CIMIP7: variants seen among roughly 807,000 people sequenced by gnomAD.
CIMIP7 encodes ciliary microtubule inner protein 7, also known as uncharacterized protein C3orf84.
At chr3:49,178,113 T>G in the CIMIP7 span, 1 of 1,451,410 alleles carries the variant, frequency 6.9e-7, no homozygotes, top group Non-Finnish European at 9.2e-7. Flanking sequence ...CTTGGGCCCC[T>G]CCTAACCCCA....
At chr3:49,178,581 C>G in the CIMIP7 span, 1 of 1,547,484 alleles carries the variant, frequency 6.5e-7, no homozygotes. Flanking sequence ...GAAAATGATG[C>G]TTATTTACCC....
the CIMIP7 span, among the ~76,000 whole-genome samples, chr3:49,179,957 G>A: frequency 3.3e-5 from 5 of 151,950 alleles, no homozygotes; most frequent in Non-Finnish European, 7.3e-5. Context: ...GGCCAACATA[G>A]TGAAACCCCG....
the CIMIP7 span, among the ~76,000 whole-genome samples, chr3:49,182,084 C>T: frequency 2.6e-5 from 4 of 152,172 alleles, no homozygotes; most frequent in East Asian, 3.9e-4. Flanking sequence ...AGTGAAGCTG[C>T]AGACCTTCGT....
At chr3:49,189,978 C>T in the CIMIP7 span, 7 of 1,419,406 alleles carry the variant, frequency 4.9e-6, no homozygotes, top group East Asian at 1.4e-4. Flanking sequence ...CTGGGAGAGG[C>T]AAGAACTGGT....
At chr3:49,190,892 C>G in the CIMIP7 span, among the ~76,000 whole-genome samples, 2 of 152,078 alleles carry the variant, frequency 1.3e-5, no homozygotes, top group African/African-American at 2.4e-5. Context: ...TGGTCTCGAA[C>G]TCCTGACCTC....
chr3:49,189,838 G>C, the CIMIP7 span: 2 of 740,586 alleles, frequency 2.7e-6, no homozygotes, highest in Admixed American at 1.7e-5. Context: ...ATATGGTTCA[G>C]TTTGGCACTC....
the CIMIP7 span, among the ~76,000 whole-genome samples, chr3:49,182,891 C>CG: frequency 5.9e-5 from 9 of 152,054 alleles, no homozygotes; most frequent in Admixed American, 3.9e-4. Flanking sequence ...CTGCCCGGGG[C>CG]GGGGGGGCCA....
the CIMIP7 span, among the ~76,000 whole-genome samples, chr3:49,190,652 T>C: frequency 1.4e-5 from 2 of 147,240 alleles, no homozygotes; most frequent in South Asian, 4.3e-4. Flanking sequence ...CCCACTATCA[T>C]GCCAGGCTGA....
At chr3:49,178,615 A>G in the CIMIP7 span, 1 of 1,324,844 alleles carries the variant, frequency 7.5e-7, no homozygotes, top group South Asian at 1.2e-5. Flanking sequence ...TCACTGCCTC[A>G]GGGTCCTTAA....
the CIMIP7 span, chr3:49,190,047 G>A: frequency 6.2e-7 from 1 of 1,613,742 alleles, no homozygotes; most frequent in Non-Finnish European, 8.5e-7. Context: ...CAGGAACACT[G>A]CTGGAGGCTG....
At chr3:49,180,275 T>C in the CIMIP7 span, among the ~76,000 whole-genome samples, 58 of 152,058 alleles carry the variant, frequency 3.8e-4, 2 homozygotes, top group East Asian at 0.011. Flanking sequence ...AAAAAATTAA[T>C]GAACAGGGAC....
the CIMIP7 span, among the ~76,000 whole-genome samples, chr3:49,180,544 G>A: frequency 1.3e-5 from 2 of 152,170 alleles, no homozygotes; most frequent in African/African-American, 2.4e-5. Flanking sequence ...TATAGGTAAT[G>A]GCTGACAGCA....
At chr3:49,185,976 C>T in the CIMIP7 span, among the ~76,000 whole-genome samples, 18 of 150,774 alleles carry the variant, frequency 1.2e-4, no homozygotes, top group East Asian at 2.0e-4. Context: ...TGAGTCACCG[C>T]GCCCGGCTAT....
chr3:49,182,559 G>T, the CIMIP7 span, among the ~76,000 whole-genome samples: 1 of 152,176 alleles, frequency 6.6e-6, no homozygotes, highest in African/African-American at 2.4e-5. Flanking sequence ...AGACATAAAG[G>T]TTCTCCAAGT....
the CIMIP7 span, among the ~76,000 whole-genome samples, chr3:49,184,224 C>T: frequency 2.6e-5 from 4 of 152,250 alleles, no homozygotes; most frequent in Admixed American, 2.6e-4. Flanking sequence ...ATCTTGAACT[C>T]TTGGGCTCAA....
the CIMIP7 span, chr3:49,190,117 G>A: frequency 6.2e-7 from 1 of 1,604,522 alleles, no homozygotes; most frequent in Non-Finnish European, 8.5e-7. Context: ...CTTCTGTAGT[G>A]CCCATAGAAG....
chr3:49,178,189 G>T, the CIMIP7 span: 3 of 811,436 alleles, frequency 3.7e-6, no homozygotes, highest in Non-Finnish European at 5.7e-6. Flanking sequence ...TCCTTGGCCT[G>T]CCTCCCCAGT....
the CIMIP7 span, among the ~76,000 whole-genome samples, chr3:49,188,964 AT>A: frequency 0.011 from 1,404 of 123,936 alleles, 7 homozygotes; most frequent in East Asian, 0.025. Context: ...ATGCCCGGTT[AT>A]TTTTTTTTTT....
chr3:49,187,879 A>G, the CIMIP7 span, among the ~76,000 whole-genome samples: 1 of 152,212 alleles, frequency 6.6e-6, no homozygotes, highest in African/African-American at 2.4e-5. Flanking sequence ...CAAGACACAG[A>G]TTATGCTACT....
Sources: allele counts gnomAD v4.1 joint callset (sites outside exome capture counted in the v4.1 genomes callset), GRCh38; gene constraint gnomAD v4.1.1; transcripts MANE v1.5; gene names NCBI Gene and HGNC (gene_info 2026-07-23, HGNC 2026-07-21).